The following BNIP2 variants were observed in gnomAD, a reference collection of about 807,000 sequenced individuals.
BNIP2 encodes the protein BCL2 interacting protein 2.
Under a neutral mutation model 43.4 loss-of-function variants are expected in BNIP2, and 36 were observed. The ratio of observed to expected loss-of-function variants is 0.83; its 90% CI spans 0.64 to 1.10. BNIP2 has a LOEUF of 1.10. Among genes scored for constraint, BNIP2 ranks in the 50% least tolerant of loss-of-function variants. BNIP2 has a pLI of 0.00. For missense variants in BNIP2, 417 were observed against 374.1 expected, an observed-to-expected ratio of 1.11 and a Z score of -0.95; for synonymous variants, 146 against 121.0, an observed-to-expected ratio of 1.21 and a Z score of -1.35.
intron 1 of BNIP2, among the ~76,000 whole-genome samples, chr15:59,687,731 C>T (rs1205639118): frequency 6.6e-6 from 1 of 152,076 alleles, no homozygotes; most frequent in Admixed American, 6.6e-5. Flanking sequence ...TTCCTTCTAC[C>T]AGCATTACTC....
intron 1 of BNIP2, chr15:59,688,864 G>T (rs1204332348): frequency 6.8e-7 from 1 of 1,471,304 alleles, no homozygotes; most frequent in Admixed American, 2.3e-5. Context: ...GTTCCATCCC[G>T]AGCACAACTA....
intron 6 of BNIP2, 27 bp downstream of exon 6, chr15:59,672,610 A>G: frequency 6.5e-7 from 1 of 1,534,586 alleles, no homozygotes; most frequent in Admixed American, 1.7e-5. Context: ...AATTCTGTCC[A>G]AATGTTTTTG....
At chr15:59,687,581 C>T (rs1371795960) in intron 1 of BNIP2, among the ~76,000 whole-genome samples, 1 of 151,910 alleles carries the variant, frequency 6.6e-6, no homozygotes, top group Non-Finnish European at 1.5e-5. Context: ...CATCTCATTG[C>T]TTTATCATTT....
intron 1 of BNIP2, chr15:59,688,819 A>G: frequency 2.6e-6 from 4 of 1,511,512 alleles, no homozygotes; most frequent in Non-Finnish European, 3.5e-6. Context: ...CACCCACACC[A>G]GGGTAAAAGG....
At chr15:59,666,828 TA>T (rs11427336) in intron 9 of BNIP2, among the ~76,000 whole-genome samples, 55 of 150,590 alleles carry the variant, frequency 3.7e-4, no homozygotes, top group East Asian at 9.7e-4. Context: ...TAAACACAAG[TA>T]AAAAAAAAAT....
intron 6 of BNIP2, among the ~76,000 whole-genome samples, chr15:59,671,591 G>A (rs1271561437): frequency 6.6e-6 from 1 of 152,192 alleles, no homozygotes; most frequent in African/African-American, 2.4e-5. Context: ...AATTGTTGAA[G>A]TGACTGATAC....
rs1477753948 is a variant in BNIP2, at chr15:59,660,616, C to G, written c.*3453G>C. On this transcript the variant is annotated 3_prime_UTR_variant, in exon 10 of 10. Transcript: ENST00000607373. ...AATGTTATATAGTCTTTTTAAAAGG[C>G]CTCTATCAAAAAGCAGATCTCTTAC... The G allele has an allele frequency of 6.6e-6, 1 of 152,084 alleles. No homozygotes were observed. Among genetic ancestry groups the G allele is most frequent in the African/African-American group, 2.4e-5 (1 of 41,408 alleles). 9.4% of individuals were successfully genotyped at this position (152,084 alleles called of 1,614,324 possible). A position where few individuals can be genotyped will look rare whatever the true frequency, so the allele number is the denominator to read the frequency against.
rs1432498469 is a variant in BNIP2 at position 59,660,730 on chromosome 15, C to CT, written c.*3338dup. 1 of 152,106 alleles carries CT rather than the reference C, an allele frequency of 6.6e-6. No individual in the cohort carries two copies. The highest frequency in any genetic ancestry group is 2.4e-5 in the African/African-American group (1 of 41,422). The allele number at this position is 152,106 out of a possible 1,614,324, so 9.4% of individuals were successfully genotyped here. On this transcript the variant is annotated 3_prime_UTR_variant, in exon 10 of 10. Coordinates refer to ENST00000607373, the MANE Select transcript of BNIP2 (RefSeq NM_004330.4). ...CATATTTCAGTATTCAGTGCACTTA[C>CT]TAGTGATGTCCATTTTGGAAGACTA...
chr15:59,688,692 T>G, intron 1 of BNIP2: 1 of 1,534,064 alleles, frequency 6.5e-7, no homozygotes, highest in Non-Finnish European at 8.7e-7. Flanking sequence ...TGATTACTTA[T>G]GCTGCTTCCG....
chr15:59,688,010 G>C (rs1271231639), intron 1 of BNIP2, among the ~76,000 whole-genome samples: 1 of 152,158 alleles, frequency 6.6e-6, no homozygotes, highest in Admixed American at 6.5e-5. Context: ...TAGCTTCAAA[G>C]GGCTTGTAAT....
At chr15:59,685,913 G>A (rs1185968529) in intron 1 of BNIP2, among the ~76,000 whole-genome samples, 1 of 152,136 alleles carries the variant, frequency 6.6e-6, no homozygotes, top group Non-Finnish European at 1.5e-5. Flanking sequence ...TGACTCACAA[G>A]TTAACTGTTG....
rs1893615537 is a variant in BNIP2 at position 59,680,750 on chromosome 15, G to A, written c.51-442C>T. Among the ~76,000 whole-genome samples, 2 of 152,194 alleles carry A rather than the reference G, an allele frequency of 1.3e-5. 1 individual carries two copies. The highest frequency in any genetic ancestry group is 4.8e-5 in the African/African-American group (2 of 41,438). ...AGCCTTCTGAGTAGCTAGGACTACA[G>A]TGGCACACCAACATGCCCAGCTAAT... On this transcript the variant is annotated intron_variant, in intron 2 of 9. Coordinates refer to ENST00000607373, the MANE Select transcript of BNIP2 (RefSeq NM_004330.4).
At chr15:59,664,613 C>T (rs1436540863) in intron 9 of BNIP2, among the ~76,000 whole-genome samples, 1 of 151,898 alleles carries the variant, frequency 6.6e-6, no homozygotes, top group East Asian at 1.9e-4. Context: ...GATCTCCTGA[C>T]CTCGTGATCT....
At chr15:59,671,893 T>G (rs532589659) in intron 6 of BNIP2, among the ~76,000 whole-genome samples, 2 of 152,110 alleles carry the variant, frequency 1.3e-5, no homozygotes, top group South Asian at 4.1e-4. Flanking sequence ...CCTGGCAACA[T>G]AGTGAGACTC....
chr15:59,675,968 G>A (rs1427779364), intron 5 of BNIP2, among the ~76,000 whole-genome samples: 1 of 152,144 alleles, frequency 6.6e-6, no homozygotes, highest in African/African-American at 2.4e-5. Flanking sequence ...CATTGCACAG[G>A]GGTACTAAAT....
At chr15:59,667,134 C>T (rs1892615047) in intron 9 of BNIP2, among the ~76,000 whole-genome samples, 1 of 152,150 alleles carries the variant, frequency 6.6e-6, no homozygotes. Flanking sequence ...GTCTACATTT[C>T]TATGTTAAAG....
chr15:59,672,787 G>C, intron 5 of BNIP2, 48 bp from the exon 6 acceptor site: 7 of 1,413,918 alleles, frequency 5.0e-6, no homozygotes, highest in Non-Finnish European at 7.0e-6. Context: ...TTTACTCTTA[G>C]GCATTTTTAG....
Position 59,663,793 on chromosome 15 carries a change from A to G in BNIP2, c.*276T>C, listed in dbSNP as rs1370969895. 2 of 268,446 alleles carry G rather than the reference A, an allele frequency of 7.5e-6. No homozygotes were observed. Among genetic ancestry groups the G allele is most frequent in the Non-Finnish European group, 1.4e-5 (2 of 145,124 alleles). The allele number at this position is 268,446 out of a possible 1,614,324, so 16.6% of individuals were successfully genotyped here. ...ATGCATCATTCAATAAACAAATGCA[A>G]AAACTACTTTATATAAAGTGTGGTT... On this transcript the variant is annotated 3_prime_UTR_variant, in exon 10 of 10. Coordinates refer to ENST00000607373, the MANE Select transcript of BNIP2 (RefSeq NM_004330.4).
intron 9 of BNIP2, among the ~76,000 whole-genome samples, chr15:59,664,635 C>T (rs1402841250): frequency 6.6e-6 from 1 of 152,152 alleles, no homozygotes; most frequent in Non-Finnish European, 1.5e-5. Flanking sequence ...CCTGCCTCAG[C>T]CTCCCAAAGT....
Sources: allele counts gnomAD v4.1 joint callset (sites outside exome capture counted in the v4.1 genomes callset), GRCh38; gene constraint gnomAD v4.1.1; transcripts MANE v1.5; gene names NCBI Gene and HGNC (gene_info 2026-07-23, HGNC 2026-07-21).